Variants in ARHGAP15 observed in about 807,000 individuals in gnomAD.
The protein encoded by ARHGAP15 is Rho GTPase activating protein 15.
A neutral mutation model predicts 63.7 loss-of-function variants in ARHGAP15; 51 were observed. That is an observed-to-expected ratio of 0.80 (90% CI 0.64 to 1.01). ARHGAP15 has a LOEUF of 1.01. ARHGAP15 is among the 50% of genes least tolerant of loss of function. The probability of loss-of-function intolerance (pLI) is 0.00; values close to 1 mark genes in which losing one functional copy is unlikely to be tolerated. For missense variants in ARHGAP15, 560 were observed against 564.6 expected, an observed-to-expected ratio of 0.99 and a Z score of 0.08; for synonymous variants, 191 against 193.8, an observed-to-expected ratio of 0.99 and a Z score of 0.12.
At chr2:143,338,464 G>A (rs1436653932) in intron 6 of ARHGAP15, among the ~76,000 whole-genome samples, 4 of 152,070 alleles carry the variant, frequency 2.6e-5, no homozygotes, top group African/African-American at 9.7e-5. Context: ...AAGCCTATGT[G>A]ACATTAAAAT....
At chr2:143,228,954 C>T (rs1456311420) in intron 5 of ARHGAP15, among the ~76,000 whole-genome samples, 2 of 152,028 alleles carry the variant, frequency 1.3e-5, no homozygotes, top group African/African-American at 2.4e-5. Context: ...TTTATAAATG[C>T]CTTATTCTTA....
At chr2:143,465,155 TG>T (rs1469851582) in intron 8 of ARHGAP15, among the ~76,000 whole-genome samples, 1 of 152,166 alleles carries the variant, frequency 6.6e-6, no homozygotes, top group Non-Finnish European at 1.5e-5. Flanking sequence ...TTATTTTCTC[TG>T]GTTTTCCATT....
At chr2:143,483,526 G>C (rs1692174684) in intron 8 of ARHGAP15, among the ~76,000 whole-genome samples, 1 of 152,194 alleles carries the variant, frequency 6.6e-6, no homozygotes, top group Non-Finnish European at 1.5e-5. Context: ...TCATTCCAAA[G>C]ATGGACTTGA....
At chr2:143,644,922 C>G (rs1216077969) in intron 12 of ARHGAP15, among the ~76,000 whole-genome samples, 2 of 151,976 alleles carry the variant, frequency 1.3e-5, no homozygotes, top group East Asian at 1.9e-4. Context: ...TATCTGCTAT[C>G]CAAATATAGA....
Position 143,249,317 on chromosome 2 carries a change from T to TA in ARHGAP15, c.385-1187dup, listed in dbSNP as rs11309958. Among the ~76,000 whole-genome samples the TA allele has an allele frequency of 2.0e-5, 3 of 151,942 alleles. No homozygotes were observed. The East Asian group carries it at 5.8e-4, about 29-fold the overall frequency. On this transcript the variant is annotated intron_variant, in intron 5 of 13. Transcript: ENST00000295095. ...CAGAAAAAAGTCTCATAATTTACCA[T>TA]AAAAAAACAAATTTCTGGCTTCTGA...
intron 6 of ARHGAP15, among the ~76,000 whole-genome samples, chr2:143,424,322 A>G (rs572222039): frequency 6.6e-6 from 1 of 152,256 alleles, no homozygotes; most frequent in South Asian, 2.1e-4. Flanking sequence ...CAGAAGTCAC[A>G]TTGGTCCGAA....
At chr2:143,541,471 G>T (rs992215203) in intron 10 of ARHGAP15, among the ~76,000 whole-genome samples, 1 of 151,796 alleles carries the variant, frequency 6.6e-6, no homozygotes, top group Non-Finnish European at 1.5e-5. Context: ...TAGAGTTTCC[G>T]GTTTTTCAGC....
chr2:143,416,107 T>C (rs1688665282), intron 6 of ARHGAP15, among the ~76,000 whole-genome samples: 1 of 150,216 alleles, frequency 6.7e-6, no homozygotes, highest in African/African-American at 2.4e-5. Flanking sequence ...CACCACCTGT[T>C]CCCCAATAAC....
chr2:143,306,260 G>A (rs1389730964), intron 6 of ARHGAP15, among the ~76,000 whole-genome samples: 3 of 152,102 alleles, frequency 2.0e-5, no homozygotes, highest in Non-Finnish European at 4.4e-5. Context: ...CTTATGGACA[G>A]AGATCAAAGA....
intron 12 of ARHGAP15, among the ~76,000 whole-genome samples, chr2:143,692,885 A>T (rs1683672237): frequency 6.6e-6 from 1 of 152,202 alleles, no homozygotes; most frequent in African/African-American, 2.4e-5. Context: ...GCAGACTAAC[A>T]CACATCACTG....
chr2:143,609,354 G>A (rs556875626), intron 11 of ARHGAP15, among the ~76,000 whole-genome samples: 1 of 152,238 alleles, frequency 6.6e-6, no homozygotes, highest in Admixed American at 6.5e-5. Flanking sequence ...GCACAACAAG[G>A]CATGTTAAGA....
chr2:143,353,718 C>T (rs981512675), intron 6 of ARHGAP15, among the ~76,000 whole-genome samples: 4 of 152,054 alleles, frequency 2.6e-5, no homozygotes, highest in African/African-American at 9.7e-5. Context: ...TTCATAATTT[C>T]CATGTATTTG....
At chr2:143,757,545 C>G (rs539467582) in intron 13 of ARHGAP15, among the ~76,000 whole-genome samples, 1 of 151,918 alleles carries the variant, frequency 6.6e-6, no homozygotes, top group South Asian at 2.1e-4. Flanking sequence ...CACATACATA[C>G]ATACATAGAG....
chr2:143,571,079 T>C (rs1413913533), intron 11 of ARHGAP15, among the ~76,000 whole-genome samples: 1 of 152,158 alleles, frequency 6.6e-6, no homozygotes, highest in African/African-American at 2.4e-5. Context: ...AAACTGCACA[T>C]GGGAGGGATC....
At chr2:143,603,735 A>G (rs1254872313) in intron 11 of ARHGAP15, among the ~76,000 whole-genome samples, 1 of 152,180 alleles carries the variant, frequency 6.6e-6, no homozygotes, top group Non-Finnish European at 1.5e-5. Flanking sequence ...AGCTCTTACA[A>G]GGTACTGTTC....
intron 11 of ARHGAP15, among the ~76,000 whole-genome samples, chr2:143,592,166 A>T (rs189911182): frequency 3.2e-4 from 48 of 152,292 alleles, no homozygotes; most frequent in African/African-American, 1.1e-3. Context: ...ATTCATTTTT[A>T]AAATTATACT....
At chr2:143,689,991 A>C (rs1169246056) in intron 12 of ARHGAP15, among the ~76,000 whole-genome samples, 2 of 152,240 alleles carry the variant, frequency 1.3e-5, no homozygotes, top group Admixed American at 6.5e-5. Context: ...GAAGGGAAGC[A>C]TTCACACTAC....
rs10558886 is a variant in ARHGAP15 at position 143,635,194 on chromosome 2, C to CTTTT, written c.1138+10953_1138+10956dup. 1.7e-3 allele frequency among the ~76,000 whole-genome samples: 46 copies of CTTTT among 26,886 alleles called. 1 individual carries two copies. The highest frequency in any genetic ancestry group is 2.2e-3 in the African/African-American group (13 of 5,880). The allele number at this position is 26,886 out of a possible 152,430, so 17.6% of individuals were successfully genotyped here. A position where few individuals can be genotyped will look rare whatever the true frequency, so the allele number is the denominator to read the frequency against. On this transcript the variant is annotated intron_variant, in intron 12 of 13. Coordinates refer to ENST00000295095, the MANE Select transcript of ARHGAP15 (RefSeq NM_018460.4). Reference sequence around the variant, plus strand: ...AACTTTCATATTAACCTCTCAGGAGCTTTTTTTTTTTTTTTTTTTTTTTTT... The same window carrying CTTTT: ...AACTTTCATATTAACCTCTCAGGAGCTTTTTTTTTTTTTTTTTTTTTTTTTTTTT...
intron 1 of ARHGAP15, among the ~76,000 whole-genome samples, chr2:143,148,588 C>T (rs1251484059): frequency 6.6e-6 from 1 of 152,054 alleles, no homozygotes; most frequent in Non-Finnish European, 1.5e-5. Flanking sequence ...ATGCTGCAGA[C>T]TTGTCAGACT....
Sources: gnomAD v4.1 joint callset for allele counts (sites outside exome capture counted in the v4.1 genomes callset) on GRCh38, gnomAD v4.1.1 for gene constraint, MANE v1.5 for transcripts, NCBI Gene and HGNC (gene_info 2026-07-23, HGNC 2026-07-21) for gene names.